The following KLHL1 variants were observed in gnomAD, a reference collection of about 807,000 sequenced individuals.
KLHL1 encodes the protein kelch like family member 1, also known as kelch-like protein 1.
A neutral mutation model predicts 77.7 loss-of-function variants in KLHL1; 47 were observed. The observed-to-expected ratio is 0.60, with a 90% CI of 0.48 to 0.77. The LOEUF (loss-of-function observed/expected upper bound fraction) is 0.77, where lower values mean the gene tolerates loss of function less well. Among genes scored for constraint, KLHL1 ranks in the 30% least tolerant of loss-of-function variants. KLHL1 has a pLI of 0.00. For missense variants in KLHL1, 925 were observed against 910.8 expected (o/e 1.02, Z -0.20); for synonymous variants, 360 against 325.2 (o/e 1.11, Z -1.15).
At chr13:70,014,877 G>C (rs1885620053) in intron 1 of KLHL1, among the ~76,000 whole-genome samples, 2 of 152,054 alleles carry the variant, frequency 1.3e-5, no homozygotes, top group Non-Finnish European at 2.9e-5. Flanking sequence ...GTTGGAGTAG[G>C]TATCTAGAAG....
At chr13:69,916,367 C>G (rs1427923289) in intron 4 of KLHL1, among the ~76,000 whole-genome samples, 4 of 148,984 alleles carry the variant, frequency 2.7e-5, no homozygotes, top group African/African-American at 9.9e-5. Flanking sequence ...TAGACTGGAT[C>G]AAGAAAATGT....
At chr13:70,081,393 C>T (rs184197989) in intron 1 of KLHL1, among the ~76,000 whole-genome samples, 16 of 152,186 alleles carry the variant, frequency 1.1e-4, no homozygotes, top group African/African-American at 3.9e-4. Context: ...ATTTTGGGTC[C>T]ACTGCTTTTT....
chr13:69,982,797 A>T (rs1884748632), intron 1 of KLHL1, among the ~76,000 whole-genome samples: 1 of 151,606 alleles, frequency 6.6e-6, no homozygotes, highest in African/African-American at 2.4e-5. Context: ...AAAGAGGGTC[A>T]TTATATGATG....
chr13:69,925,930 C>T (rs912147820), intron 4 of KLHL1, among the ~76,000 whole-genome samples: 3 of 152,076 alleles, frequency 2.0e-5, no homozygotes, highest in African/African-American at 7.2e-5. Flanking sequence ...TTAATAAGTT[C>T]ACCAGCTACA....
At position 69,724,490 on chromosome 13, in the gene KLHL1, T is replaced by C. The variant is rs183757587; in HGVS notation, c.1803-4909A>G. On this transcript the variant is annotated intron_variant, in intron 8 of 10. Coordinates refer to ENST00000377844, the MANE Select transcript of KLHL1 (RefSeq NM_020866.3). ...GAAGACAGAACACTTCTGAACACACTCTGTGAGGTCAGCATTGCCCTAATA... is the reference window on the plus strand; with the variant it reads ...GAAGACAGAACACTTCTGAACACACCCTGTGAGGTCAGCATTGCCCTAATA... Among the ~76,000 whole-genome samples, 708 of 152,238 alleles carry C rather than the reference T, an allele frequency of 4.7e-3. 6 individuals carry two copies. Among genetic ancestry groups the C allele is most frequent in the African/African-American group, 0.015 (638 of 41,548 alleles).
At chr13:69,872,907 C>T (rs1880637506) in intron 5 of KLHL1, among the ~76,000 whole-genome samples, 1 of 152,116 alleles carries the variant, frequency 6.6e-6, no homozygotes, top group South Asian at 2.1e-4. Flanking sequence ...TTAGGCCCCA[C>T]CTCCAACACT....
intron 1 of KLHL1, among the ~76,000 whole-genome samples, chr13:70,084,803 C>T (rs1246812961): frequency 3.3e-5 from 5 of 151,550 alleles, no homozygotes; most frequent in Non-Finnish European, 7.4e-5. Flanking sequence ...ACAGCCACTT[C>T]AAACCATGAT....
chr13:69,741,124 T>C (rs1873971095), intron 7 of KLHL1, among the ~76,000 whole-genome samples: 1 of 152,174 alleles, frequency 6.6e-6, no homozygotes, highest in Non-Finnish European at 1.5e-5. Flanking sequence ...TTAGAAAATA[T>C]GACATCTTTC....
At chr13:69,841,374 T>A (rs978074832) in intron 5 of KLHL1, among the ~76,000 whole-genome samples, 4 of 151,418 alleles carry the variant, frequency 2.6e-5, no homozygotes, top group African/African-American at 9.7e-5. Flanking sequence ...GGACATGAAA[T>A]CAATATACAA....
chr13:70,082,405 T>C (rs73518733), intron 1 of KLHL1, among the ~76,000 whole-genome samples: 3,781 of 150,150 alleles, frequency 0.025, 162 homozygotes, highest in African/African-American at 0.088. Context: ...TAGGTGGATA[T>C]AGACTTGGGA....
At chr13:69,905,968 G>A (rs933766093) in intron 4 of KLHL1, among the ~76,000 whole-genome samples, 1 of 152,060 alleles carries the variant, frequency 6.6e-6, no homozygotes, top group Admixed American at 6.6e-5. Flanking sequence ...CATTTAACAT[G>A]ATGACCATGC....
At chr13:69,867,739 T>C (rs1240413953) in intron 5 of KLHL1, among the ~76,000 whole-genome samples, 3 of 151,530 alleles carry the variant, frequency 2.0e-5, no homozygotes, top group Non-Finnish European at 4.4e-5. Flanking sequence ...TTTATTTTCC[T>C]ATAATTCATT....
chr13:69,839,695 G>A (rs913545796), intron 5 of KLHL1, among the ~76,000 whole-genome samples: 4 of 151,842 alleles, frequency 2.6e-5, no homozygotes, highest in African/African-American at 9.7e-5. Context: ...TAAAAGTTGT[G>A]TATTAGGCAA....
chr13:69,857,330 C>T (rs1566332721), intron 5 of KLHL1, among the ~76,000 whole-genome samples: 2 of 152,022 alleles, frequency 1.3e-5, no homozygotes, highest in South Asian at 4.1e-4. Context: ...ATTGACTACT[C>T]CTCCCTTTGT....
chr13:69,966,656 T>A (rs1285626929), intron 2 of KLHL1, among the ~76,000 whole-genome samples: 2 of 152,202 alleles, frequency 1.3e-5, no homozygotes, highest in African/African-American at 4.8e-5. Flanking sequence ...GCAATTTTGT[T>A]ACATGTATAG....
intron 3 of KLHL1, among the ~76,000 whole-genome samples, chr13:69,949,051 A>G (rs1418856060): frequency 6.6e-6 from 1 of 151,962 alleles, no homozygotes; most frequent in Non-Finnish European, 1.5e-5. Flanking sequence ...AGAAAATTGC[A>G]AAGCTAGTAC....
At chr13:69,708,873 G>C (rs17085275) in intron 9 of KLHL1, among the ~76,000 whole-genome samples, 33,028 of 151,796 alleles carry the variant, frequency 0.22, 3,989 homozygotes, top group South Asian at 0.32. Flanking sequence ...TTCTTAGTTT[G>C]TTTTCCTGCT....
intron 1 of KLHL1, among the ~76,000 whole-genome samples, chr13:70,069,279 A>T (rs1566549045): frequency 6.6e-6 from 1 of 152,246 alleles, no homozygotes; most frequent in Non-Finnish European, 1.5e-5. Flanking sequence ...TTCTAGGAAC[A>T]TCCAAAGATA....
chr13:70,049,146 T>A (rs1207633225), intron 1 of KLHL1, among the ~76,000 whole-genome samples: 1 of 152,136 alleles, frequency 6.6e-6, no homozygotes, highest in Non-Finnish European at 1.5e-5. Context: ...CCTATAACTT[T>A]GTTTCCTGGA....
Sources: allele counts gnomAD v4.1 joint callset (sites outside exome capture counted in the v4.1 genomes callset), GRCh38; gene constraint gnomAD v4.1.1; transcripts MANE v1.5; gene names NCBI Gene and HGNC (gene_info 2026-07-23, HGNC 2026-07-21).